The following ADAMTS6 variants were observed in gnomAD, a reference collection of about 807,000 sequenced individuals.
ADAMTS6 encodes the protein A disintegrin and metalloproteinase with thrombospondin motifs 6.
A neutral mutation model predicts 144.3 loss-of-function variants in ADAMTS6; 23 were observed. The observed-to-expected ratio is 0.16, with a 90% CI of 0.11 to 0.23. ADAMTS6 has a LOEUF of 0.23. Among genes scored for constraint, ADAMTS6 ranks in the 10% least tolerant of loss-of-function variants. ADAMTS6 has a pLI of 1.00. For missense variants in ADAMTS6, 999 were observed against 1,379.6 expected, an observed-to-expected ratio of 0.72 and a Z score of 4.37; for synonymous variants, 444 against 457.5, an observed-to-expected ratio of 0.97 and a Z score of 0.38.
chr5:65,212,094 C>T (rs1039452595), intron 20 of ADAMTS6, among the ~76,000 whole-genome samples: 3 of 152,176 alleles, frequency 2.0e-5, no homozygotes, highest in Non-Finnish European at 4.4e-5. Context: ...ATTAATGCGC[C>T]CCACTCGAAG....
At chr5:65,408,212 TAA>T (rs768763384) in intron 7 of ADAMTS6, among the ~76,000 whole-genome samples, 1 of 152,034 alleles carries the variant, frequency 6.6e-6, no homozygotes, top group Non-Finnish European at 1.5e-5. Flanking sequence ...GCAAATTGGA[TAA>T]AGAGTCAAAA....
At chr5:65,282,775 C>T (rs367845333) in intron 11 of ADAMTS6, among the ~76,000 whole-genome samples, 85 of 151,922 alleles carry the variant, frequency 5.6e-4, no homozygotes, top group African/African-American at 2.0e-3. Flanking sequence ...AAAGAGAGGA[C>T]GGTATAATGA....
At chr5:65,410,323 A>T (rs1487027068) in intron 7 of ADAMTS6, among the ~76,000 whole-genome samples, 1 of 152,204 alleles carries the variant, frequency 6.6e-6, no homozygotes, top group Non-Finnish European at 1.5e-5. Context: ...GTTTACATTG[A>T]GCTACTCATA....
intron 7 of ADAMTS6, 54 bp downstream of exon 7, chr5:65,451,421 A>G: frequency 6.2e-7 from 1 of 1,601,730 alleles, no homozygotes; most frequent in Non-Finnish European, 8.5e-7. Flanking sequence ...CAAATTTATT[A>G]CAATAGTGAA....
intron 21 of ADAMTS6, among the ~76,000 whole-genome samples, chr5:65,193,978 AG>A (rs1184080500): frequency 6.6e-6 from 1 of 152,222 alleles, no homozygotes; most frequent in Non-Finnish European, 1.5e-5. Flanking sequence ...CTGTATACAT[AG>A]AAAAAATACT....
intron 12 of ADAMTS6, among the ~76,000 whole-genome samples, chr5:65,264,865 T>C (rs1761486513): frequency 6.6e-6 from 1 of 152,090 alleles, no homozygotes; most frequent in Non-Finnish European, 1.5e-5. Context: ...AATTGGCACA[T>C]AGTATGTATG....
At chr5:65,447,140 T>G (rs924268631) in intron 7 of ADAMTS6, among the ~76,000 whole-genome samples, 1 of 152,198 alleles carries the variant, frequency 6.6e-6, no homozygotes, top group African/African-American at 2.4e-5. Flanking sequence ...TAAACATTGA[T>G]GCAAATATAC....
intron 11 of ADAMTS6, among the ~76,000 whole-genome samples, chr5:65,275,409 A>AAGAG (rs1377245414): frequency 6.9e-6 from 1 of 144,556 alleles, no homozygotes; most frequent in Non-Finnish European, 1.5e-5. Flanking sequence ...GAAAGAAAGA[A>AAGAG]AGAAAGAAAA....
At chr5:65,274,748 A>C (rs938880833) in intron 11 of ADAMTS6, among the ~76,000 whole-genome samples, 2 of 152,126 alleles carry the variant, frequency 1.3e-5, no homozygotes, top group African/African-American at 4.8e-5. Flanking sequence ...GCGGTGGCAC[A>C]ATCTCAGCTC....
Position 65,151,856 on chromosome 5 carries a change from T to C in ADAMTS6, c.3334A>G (p.Lys1112Glu). Reference sequence around the variant, plus strand: ...GTGGGTCAGTGTCCTTGGCAGGTCTTACAACACATCTGTCTGAAGTATGCT... The same window carrying C: ...GTGGGTCAGTGTCCTTGGCAGGTCTCACAACACATCTGTCTGAAGTATGCT... ...SRAYFRQMCC[K>E]TCQGH The change falls in exon 25 of 25, where the codon AAG (lysine) becomes GAG (glutamate). Residue 1112 changes from lysine to glutamate, a missense_variant. Physicochemically the swap from Lys to Glu is moderately conservative, Grantham distance 56. Around this residue, in one of 3 missense-constraint regions of ADAMTS6, gnomAD observed 619 missense variants for 837.0 expected, o/e 0.74. Coordinates refer to ENST00000381055, the MANE Select transcript of ADAMTS6 (RefSeq NM_197941.4). 6.2e-7 allele frequency: 1 copy of C among 1,613,588 alleles called. No individual in the cohort carries two copies. Among genetic ancestry groups the C allele is most frequent in the Non-Finnish European group, 8.5e-7 (1 of 1,179,516 alleles).
rs535766380 is a variant in ADAMTS6 at position 65,465,982 on chromosome 5, A to C, written c.462+4796T>G. Among the ~76,000 whole-genome samples the C allele has an allele frequency of 7.9e-5, 12 of 152,250 alleles. 1 individual carries two copies. The highest frequency in any genetic ancestry group is 2.9e-4 in the African/African-American group (12 of 41,542). ...CCAAATTTATAACTTTCTAATTCAT[A>C]TCTCTCTTCTGAACTCCAGACTGAC... On this transcript the variant is annotated intron_variant, in intron 3 of 24. Transcript: ENST00000381055.
chr5:65,405,677 T>G (rs941362489), intron 7 of ADAMTS6, among the ~76,000 whole-genome samples: 8 of 152,092 alleles, frequency 5.3e-5, no homozygotes, highest in Non-Finnish European at 7.4e-5. Context: ...TTCCAATTCT[T>G]TGAAGAAAGT....
intron 15 of ADAMTS6, among the ~76,000 whole-genome samples, chr5:65,239,532 G>C (rs1268578377): frequency 6.6e-6 from 1 of 151,848 alleles, no homozygotes; most frequent in African/African-American, 2.4e-5. Flanking sequence ...ACAATGACCA[G>C]AAAGAAAAAT....
intron 22 of ADAMTS6, among the ~76,000 whole-genome samples, chr5:65,180,563 C>T (rs1403497762): frequency 1.3e-5 from 2 of 152,162 alleles, no homozygotes; most frequent in Non-Finnish European, 2.9e-5. Flanking sequence ...TTCAGACAAA[C>T]ATCATTTCCC....
chr5:65,198,576 T>C (rs1477082387), intron 20 of ADAMTS6: 1 of 167,106 alleles, frequency 6.0e-6, no homozygotes, highest in Admixed American at 6.5e-5. Context: ...GGCAAACTAT[T>C]AAATCCACCA....
chr5:65,180,704 TA>T (rs11444095), intron 22 of ADAMTS6, among the ~76,000 whole-genome samples: 1,523 of 150,636 alleles, frequency 0.01, 17 homozygotes, highest in Middle Eastern at 0.038. Context: ...CATTTTGATT[TA>T]AAAAAAAAAT....
chr5:65,474,308 C>CA, intron 1 of ADAMTS6, among the ~76,000 whole-genome samples: 1 of 152,188 alleles, frequency 6.6e-6, no homozygotes, highest in South Asian at 2.1e-4. Flanking sequence ...ATGTGACAAA[C>CA]AATATGTAAT....
intron 22 of ADAMTS6, among the ~76,000 whole-genome samples, chr5:65,183,913 ACAT>A (rs1754516243): frequency 6.6e-6 from 1 of 152,192 alleles, no homozygotes; most frequent in South Asian, 2.1e-4. Flanking sequence ...ATAGTTATAA[ACAT>A]CAAAATTCAT....
At position 65,473,654 on chromosome 5, in the gene ADAMTS6, G is replaced by A. The variant is rs746668287; in HGVS notation, c.20C>T (p.Thr7Met). MEILWK[T>M]LTWILSLIMA... ...GATGAGGCTCAAAATCCAGGTCAAC[G>A]TCTTCCACAAAATTTCCATAATTTA... Residue 7 changes from threonine (T) to methionine (M), a missense_variant, in exon 2 of 25, where the codon ACG (threonine) becomes ATG (methionine). By Grantham distance (81) the Thr-to-Met change is moderately conservative. This residue lies in a region of ADAMTS6 where 252 missense variants were observed against 293.7 expected (regional missense o/e 0.86). Coordinates refer to ENST00000381055, the MANE Select transcript of ADAMTS6 (RefSeq NM_197941.4). The A allele has an allele frequency of 1.2e-5, 20 of 1,613,494 alleles. No individual in the cohort carries two copies. Among genetic ancestry groups the A allele is most frequent in the Non-Finnish European group, 1.7e-5 (20 of 1,179,636 alleles).
Sources: gnomAD v4.1 joint callset for allele counts (sites outside exome capture counted in the v4.1 genomes callset) on GRCh38, gnomAD v4.1.1 for gene constraint, gnomAD v4.1.1 regional missense constraint, MANE v1.5 for transcripts, NCBI Gene and HGNC (gene_info 2026-07-23, HGNC 2026-07-21) for gene names.